Variants in TBC1D20 observed in about 807,000 individuals in gnomAD.
TBC1D20 encodes the protein TBC1 domain family member 20, also known as chromosome 20 open reading frame 140.
In TBC1D20, 12 loss-of-function variants were observed where a neutral mutation model predicts 41.6. The observed-to-expected ratio is 0.29, with a 90% CI of 0.18 to 0.47. TBC1D20 has a LOEUF of 0.47. Among genes scored for constraint, TBC1D20 ranks in the 20% least tolerant of loss-of-function variants. The pLI is 1.00. For synonymous variants in TBC1D20, 205 were observed against 204.8 expected (o/e 1.00, Z -0.01); for missense variants, 421 against 517.4 (o/e 0.81, Z 1.81).
chr20:446,289 C>T lies in TBC1D20; in HGVS notation c.257-1159G>A, dbSNP rs140935222. 2.5e-3 allele frequency among the ~76,000 whole-genome samples: 384 copies of T among 152,372 alleles called. 3 individuals are homozygous for T. Among genetic ancestry groups the T allele is most frequent in the African/African-American group, 8.9e-3 (369 of 41,586 alleles). ...CACATTAGTTAGGTAACTCTTTTCA[C>T]AGAATTACAGGATTTTAGAACTCCA... On this transcript the variant is annotated intron_variant, in intron 2 of 7. Transcript: ENST00000354200.
chr20:438,421 T>TACTG lies in TBC1D20; in HGVS notation c.*161_*164dup. 1 of 761,112 alleles carries TACTG rather than the reference T, an allele frequency of 1.3e-6. No individual in the cohort carries two copies. Among genetic ancestry groups the TACTG allele is most frequent in the East Asian group, 2.6e-5 (1 of 38,586 alleles). The allele number at this position is 761,112 out of a possible 1,614,324, so 47.1% of individuals were successfully genotyped here. A position where few individuals can be genotyped will look rare whatever the true frequency, so the allele number is the denominator to read the frequency against. ...CCCCTCTGTGTCAGGTAGGCTCTGCTACTGGCCTCTGAAGTAAAGGCAAAC... is the reference window on the plus strand; with the variant it reads ...CCCCTCTGTGTCAGGTAGGCTCTGCTACTGACTGGCCTCTGAAGTAAAGGCAAAC... On this transcript the variant is annotated 3_prime_UTR_variant, in exon 8 of 8. Transcript: ENST00000354200.
chr20:448,242 C>A (rs946296982), intron 1 of TBC1D20, among the ~76,000 whole-genome samples, 168 bp from the exon 2 acceptor site: 2 of 152,116 alleles, frequency 1.3e-5, no homozygotes, highest in African/African-American at 2.4e-5. Context: ...TCATTTCGGG[C>A]CCAGTCTACT....
At chr20:454,214 G>A (rs1215738684) in intron 1 of TBC1D20, among the ~76,000 whole-genome samples, 1 of 142,306 alleles carries the variant, frequency 7.0e-6, no homozygotes, top group Non-Finnish European at 1.5e-5. Flanking sequence ...CTGCACTCTA[G>A]CCTGGGTGAC....
At chr20:452,975 C>A (rs1006809813) in intron 1 of TBC1D20, among the ~76,000 whole-genome samples, 6 of 151,586 alleles carry the variant, frequency 4.0e-5, no homozygotes, top group Non-Finnish European at 8.8e-5. Context: ...CACGGAGAAA[C>A]CCCATCTCTA....
intron 1 of TBC1D20, among the ~76,000 whole-genome samples, chr20:454,542 T>C (rs2017509060): frequency 6.6e-6 from 1 of 152,114 alleles, no homozygotes; most frequent in South Asian, 2.1e-4. Flanking sequence ...TAGAAATAAC[T>C]AACAGAAGGT....
chr20:444,593 A>G (rs1019978313), intron 3 of TBC1D20, among the ~76,000 whole-genome samples: 1 of 151,792 alleles, frequency 6.6e-6, no homozygotes, highest in Non-Finnish European at 1.5e-5. Flanking sequence ...TTTTTTATCT[A>G]TTGCTGCTTA....
chr20:459,867 C>G (rs1044838660), intron 1 of TBC1D20, among the ~76,000 whole-genome samples: 12 of 152,182 alleles, frequency 7.9e-5, no homozygotes, highest in African/African-American at 2.9e-4. Flanking sequence ...AAACTTCTCC[C>G]AACTCTGGCT....
In TBC1D20 at chr20:444,827, A is replaced by C. The variant is rs565115850; in HGVS notation, c.337+223T>G. Among the ~76,000 whole-genome samples the C allele has an allele frequency of 3.9e-4, 59 of 152,132 alleles. 1 individual carries two copies. The highest frequency in any genetic ancestry group is 1.4e-3 in the African/African-American group (58 of 41,562). ...TTTTTGTGGCTTCAAGGAAAAACAA[A>C]AACCTCTTCTCTCATTCACCACCTC... On this transcript the variant is annotated intron_variant, in intron 3 of 7. Transcript: ENST00000354200.
rs1471563441 is a variant in TBC1D20, at chr20:438,521, C to T, written c.*65G>A. 2 of 1,561,284 alleles carry T rather than the reference C, an allele frequency of 1.3e-6. No homozygotes were observed. The highest frequency in any genetic ancestry group is 1.7e-6 in the Non-Finnish European group (2 of 1,144,216). On this transcript the variant is annotated 3_prime_UTR_variant, in exon 8 of 8. Transcript: ENST00000354200. ...CCTTTTAATAAAGGAAATTCCACCC[C>T]TCCCAATCCTTCCATGGAAGGGTGA...
Position 438,725 on chromosome 20 carries a change from A to C in TBC1D20, c.1073T>G (p.Val358Gly). 1 of 1,614,162 alleles carries C rather than the reference A, an allele frequency of 6.2e-7. No homozygotes were observed. The highest frequency in any genetic ancestry group is 1.3e-5 in the African/African-American group (1 of 75,030). The change falls in exon 8 of 8, where the codon GTC (valine) becomes GGC (glycine). Residue 358 changes from valine to glycine, a missense_variant. By Grantham distance (109) the Val-to-Gly change is moderately radical. This residue lies in a region of TBC1D20 where 161 missense variants were observed against 182.7 expected (regional missense o/e 0.88). Coordinates refer to ENST00000354200, the MANE Select transcript of TBC1D20 (RefSeq NM_144628.4). ...LLRPEDRTKD[V>G]LTKPRTNRFV... is the part of the protein sequence containing the mutation. Reference sequence around the variant, plus strand: ...GCGGTTGGTCCTTGGCTTGGTCAGGACATCTTTTGTTCGATCTTCAGGCCG... The same window carrying C: ...GCGGTTGGTCCTTGGCTTGGTCAGGCCATCTTTTGTTCGATCTTCAGGCCG...
intron 1 of TBC1D20, 69 bp downstream of exon 1, chr20:462,267 C>G: frequency 8.9e-7 from 1 of 1,126,850 alleles, no homozygotes; most frequent in Non-Finnish European, 1.1e-6. Flanking sequence ...GGCGCCGCCT[C>G]CGCCAGCTGC....
Position 462,455 on chromosome 20 carries a change from GGAGAAGACGC to G in TBC1D20, c.-60_-51del, listed in dbSNP as rs2017652404. 1 of 1,103,122 alleles carries G rather than the reference GGAGAAGACGC, an allele frequency of 9.1e-7. No homozygotes were observed. Among genetic ancestry groups the G allele is most frequent in the Non-Finnish European group, 1.1e-6 (1 of 874,968 alleles). The allele number at this position is 1,103,122 out of a possible 1,614,324, so 68.3% of individuals were successfully genotyped here. ...CGAGCCCCGGCTGGTGGCGGAGCCG[GGAGAAGACGC>G]GGCTCCGACCGCGGGACGTAGCACC... On this transcript the variant is annotated 5_prime_UTR_variant, in exon 1 of 8. Transcript: ENST00000354200.
chr20:449,537 A>C (rs1451247444), intron 1 of TBC1D20, among the ~76,000 whole-genome samples: 1 of 151,492 alleles, frequency 6.6e-6, no homozygotes, highest in Non-Finnish European at 1.5e-5. Flanking sequence ...CTGAAGTTGC[A>C]GTGAGCCAAG....
Position 438,560 on chromosome 20 carries a change from TG to T in TBC1D20, c.*25del, listed in dbSNP as rs1309714910. ...ATGGAAGGGTGAGACCTTAATGTGATGTAAGAGGAAGGTCTTCTCTGGCTTT... is the reference window on the plus strand; with the variant it reads ...ATGGAAGGGTGAGACCTTAATGTGATTAAGAGGAAGGTCTTCTCTGGCTTT... On this transcript the variant is annotated 3_prime_UTR_variant, in exon 8 of 8. Transcript: ENST00000354200. 5 of 1,610,792 alleles carry T rather than the reference TG, an allele frequency of 3.1e-6. No individual in the cohort carries two copies. Among genetic ancestry groups the T allele is most frequent in the Non-Finnish European group, 4.2e-6 (5 of 1,177,448 alleles).
intron 1 of TBC1D20, among the ~76,000 whole-genome samples, chr20:456,936 T>A (rs2017550783): frequency 2.3e-5 from 1 of 44,432 alleles, no homozygotes; most frequent in Non-Finnish European, 6.3e-5. Context: ...TCTTTTAATT[T>A]TTTTTTTTTT....
chr20:437,166 T>C lies in TBC1D20; in HGVS notation c.*1420A>G, dbSNP rs983688449. On this transcript the variant is annotated 3_prime_UTR_variant, in exon 8 of 8. Transcript: ENST00000354200. ...ATAAAAATAAAGTGCTTAGTGTAAC[T>C]CAGCGGACAGGGCTCCCAGCTGCTC... The C allele has an allele frequency of 2.0e-5, 3 of 152,430 alleles. No individual in the cohort carries two copies. Among genetic ancestry groups the C allele is most frequent in the Admixed American group, 6.6e-5 (1 of 15,248 alleles). The allele number at this position is 152,430 out of a possible 1,614,324, so 9.4% of individuals were successfully genotyped here. A position where few individuals can be genotyped will look rare whatever the true frequency, so the allele number is the denominator to read the frequency against.
chr20:461,401 G>A (rs1385115020), intron 1 of TBC1D20, among the ~76,000 whole-genome samples: 2 of 152,210 alleles, frequency 1.3e-5, no homozygotes, highest in Non-Finnish European at 2.9e-5. Flanking sequence ...GTCTCCATCT[G>A]TCACCCAGGC....
intron 1 of TBC1D20, among the ~76,000 whole-genome samples, chr20:459,375 T>C (rs1025361867): frequency 5.3e-5 from 8 of 152,214 alleles, no homozygotes; most frequent in African/African-American, 1.9e-4. Context: ...TGTATGTCAT[T>C]CTAATCTCCC....
chr20:448,221 A>G (rs1052546201), intron 1 of TBC1D20, 147 bp from the exon 2 acceptor site: 2 of 586,408 alleles, frequency 3.4e-6, no homozygotes, highest in African/African-American at 1.9e-5. Flanking sequence ...TCTCACAGCC[A>G]GATGCACTAT....
Sources: allele counts gnomAD v4.1 joint callset (sites outside exome capture counted in the v4.1 genomes callset), GRCh38; gene constraint gnomAD v4.1.1; regional missense constraint gnomAD v4.1.1; transcripts MANE v1.5; gene names NCBI Gene and HGNC (gene_info 2026-07-23, HGNC 2026-07-21).